The following EDNRA variants were observed in gnomAD, a reference collection of about 807,000 sequenced individuals.
EDNRA encodes endothelin-1 receptor.
EDNRA carries 11 observed loss-of-function variants against 41.4 expected under a neutral mutation model. The observed-to-expected ratio is 0.27, with a 90% confidence interval of 0.17 to 0.44. The LOEUF is 0.44. Among genes scored for constraint, EDNRA ranks in the 20% least tolerant of loss-of-function variants. The probability of loss-of-function intolerance (pLI) is 1.00; values close to 1 mark genes in which losing one functional copy is unlikely to be tolerated. For synonymous variants in EDNRA, 172 were observed against 183.0 expected (o/e 0.94, Z 0.49); for missense variants, 294 against 531.0 (o/e 0.55, Z 4.39).
chr4:147,542,554 G>A lies in EDNRA; in HGVS notation c.1220G>A (p.Trp407Ter). The change falls in exon 8 of 8, where the codon TGG becomes TAG. Residue 407 changes from tryptophan (W) to a stop codon, truncating the protein, a stop_gained. Coordinates refer to ENST00000651419, the MANE Select transcript of EDNRA (RefSeq NM_001957.4). LOFTEE classifies it high-confidence loss of function. Reference sequence around the variant, plus strand: ...CCCATGAACGGAACAAGCATCCAGTGGAAGAACCACGATCAAAACAACCAC... The same window carrying A: ...CCCATGAACGGAACAAGCATCCAGTAGAAGAACCACGATCAAAACAACCAC... Reference protein sequence around the residue: ...SVPMNGTSIQWKNHDQNNHNT... With the variant: ...SVPMNGTSIQ 1 of 1,614,100 alleles carries A rather than the reference G, an allele frequency of 6.2e-7. No individual in the cohort carries two copies. Among genetic ancestry groups the A allele is most frequent in the Non-Finnish European group, 8.5e-7 (1 of 1,180,022 alleles).
At chr4:147,538,170 G>C (rs2126484311) in intron 5 of EDNRA, among the ~76,000 whole-genome samples, 1 of 152,260 alleles carries the variant, frequency 6.6e-6, no homozygotes, top group African/African-American at 2.4e-5. Flanking sequence ...GGTATCTACT[G>C]TTTTGCTGAT....
chr4:147,542,383 A>C, intron 7 of EDNRA, 95 bp from the exon 8 acceptor site: 1 of 1,537,762 alleles, frequency 6.5e-7, no homozygotes, highest in Non-Finnish European at 8.8e-7. Context: ...ATGCGAATGG[A>C]CATTTGCCCC....
intron 3 of EDNRA, among the ~76,000 whole-genome samples, chr4:147,530,586 T>G (rs1469925693): frequency 1.3e-5 from 2 of 152,234 alleles, no homozygotes; most frequent in Non-Finnish European, 2.9e-5. Flanking sequence ...AAAACATTTC[T>G]CCAGTAAATT....
Position 147,519,910 on chromosome 4 carries a change from G to C in EDNRA, c.480G>C (p.Leu160=), listed in dbSNP as rs756610753. The change falls in exon 3 of 8, where the codon CTG becomes CTC. Residue 160 remains leucine, a synonymous_variant. Transcript: ENST00000651419. This position sits in a 1 kb window ranked among gnomAD's most constrained non-coding sequence, Gnocchi z 4.1. ...HNDFGVFLCK[L]FPFLQKSSVG... ...ACTTTGGCGTATTTCTTTGCAAGCTGTTCCCCTTTTTGCAGAAGTCCTCGG... is the reference window on the plus strand; with the variant it reads ...ACTTTGGCGTATTTCTTTGCAAGCTCTTCCCCTTTTTGCAGAAGTCCTCGG... 6 of 1,613,488 alleles carry C rather than the reference G, an allele frequency of 3.7e-6. No individual in the cohort carries two copies. The African/African-American group carries it at 8.0e-5, about 22-fold the overall frequency.
At chr4:147,539,459 T>TAC (rs371046163) in intron 5 of EDNRA, among the ~76,000 whole-genome samples, 3 of 151,106 alleles carry the variant, frequency 2.0e-5, no homozygotes, top group Non-Finnish European at 4.4e-5. Flanking sequence ...TCCACCCCAC[T>TAC]ACACACACAC....
chr4:147,506,081 A>G (rs1395812585), intron 2 of EDNRA: 4 of 513,624 alleles, frequency 7.8e-6, no homozygotes, highest in African/African-American at 5.8e-5. Flanking sequence ...GGTTCCCAGT[A>G]TCCTGGCAGG....
At chr4:147,520,551 A>G in intron 3 of EDNRA, 1 of 465,084 alleles carries the variant, frequency 2.2e-6, no homozygotes, top group Non-Finnish European at 4.3e-6. Flanking sequence ...AGCGTTCTCT[A>G]AAGAAGCCCT....
intron 2 of EDNRA, among the ~76,000 whole-genome samples, chr4:147,499,432 A>T (rs1729430666): frequency 6.6e-6 from 1 of 152,236 alleles, no homozygotes; most frequent in African/African-American, 2.4e-5. Flanking sequence ...GCATAATGAC[A>T]TAAAGTAGGC....
chr4:147,504,631 T>C (rs566140977), intron 2 of EDNRA, among the ~76,000 whole-genome samples: 1 of 152,168 alleles, frequency 6.6e-6, no homozygotes, highest in South Asian at 2.1e-4. Context: ...TCAAAAACTT[T>C]TACTCTGCAA....
chr4:147,509,585 G>C (rs1407745433), intron 2 of EDNRA, among the ~76,000 whole-genome samples: 1 of 152,148 alleles, frequency 6.6e-6, no homozygotes, highest in South Asian at 2.1e-4. Flanking sequence ...AGCTTCCTCT[G>C]TATTTACAGC....
rs1452942092 is a variant in EDNRA, at chr4:147,490,729, A to G, written c.420+4628A>G. 5 of 152,214 alleles carry G rather than the reference A, an allele frequency of 3.3e-5. No homozygotes were observed. In the East Asian group the frequency reaches 9.6e-4, roughly 29 times the overall value. 9.4% of individuals were successfully genotyped at this position (152,214 alleles called of 1,614,324 possible). ...ATTCATGAGATTACATGTATGCCAT[A>G]GAGTGTTGTCCATAGGGAGATGGGT... is the stretch of plus-strand genomic sequence containing the variant. On this transcript the variant is annotated intron_variant, in intron 2 of 7. Transcript: ENST00000651419.
chr4:147,516,523 C>G (rs1198085960), intron 2 of EDNRA, among the ~76,000 whole-genome samples: 2 of 152,150 alleles, frequency 1.3e-5, no homozygotes, highest in Non-Finnish European at 2.9e-5. Flanking sequence ...TTGGAGTCAT[C>G]CATTCATCCA....
intron 2 of EDNRA, among the ~76,000 whole-genome samples, chr4:147,507,530 G>A (rs7657903): frequency 0.22 from 33,534 of 152,088 alleles, 6,211 homozygotes; most frequent in African/African-American, 0.52. Context: ...GCCAGGGGTT[G>A]GGAATGGGAA....
At chr4:147,507,805 C>T (rs1729774675) in intron 2 of EDNRA, among the ~76,000 whole-genome samples, 1 of 152,182 alleles carries the variant, frequency 6.6e-6, no homozygotes, top group Non-Finnish European at 1.5e-5. Flanking sequence ...ATCCTCACCC[C>T]AACACTTATT....
intron 2 of EDNRA, among the ~76,000 whole-genome samples, chr4:147,505,851 T>C (rs1027488743): frequency 6.6e-6 from 1 of 151,960 alleles, no homozygotes; most frequent in Non-Finnish European, 1.5e-5. Context: ...GGTTTCACCG[T>C]GTCAGCCAGG....
At chr4:147,506,132 A>G (rs1269323654) in intron 2 of EDNRA, 1 of 527,412 alleles carries the variant, frequency 1.9e-6, no homozygotes, top group Non-Finnish European at 3.8e-6. Flanking sequence ...AAGCCCCTGG[A>G]AGAGGTGAAG....
chr4:147,499,997 G>A (rs559980536), intron 2 of EDNRA, among the ~76,000 whole-genome samples: 2 of 151,686 alleles, frequency 1.3e-5, no homozygotes, highest in African/African-American at 2.4e-5. Context: ...TAGAGATGGG[G>A]TTTCACCGTG....
intron 5 of EDNRA, among the ~76,000 whole-genome samples, chr4:147,538,838 A>G (rs1731002561): frequency 6.6e-6 from 1 of 152,086 alleles, no homozygotes; most frequent in South Asian, 2.1e-4. Flanking sequence ...ACTTAATGTT[A>G]TATGTTTCAG....
At chr4:147,498,933 C>T (rs1729409330) in intron 2 of EDNRA, among the ~76,000 whole-genome samples, 1 of 152,200 alleles carries the variant, frequency 6.6e-6, no homozygotes, top group Non-Finnish European at 1.5e-5. Context: ...TTTTTAAGTG[C>T]CTAATGCCTT....
Sources: allele counts gnomAD v4.1 joint callset (sites outside exome capture counted in the v4.1 genomes callset), GRCh38; gene constraint gnomAD v4.1.1; non-coding constraint Gnocchi (gnomAD v3.1); transcripts MANE v1.5; gene names NCBI Gene and HGNC (gene_info 2026-07-23, HGNC 2026-07-21).